The following NTM variants were observed in gnomAD, a reference collection of about 807,000 sequenced individuals.
NTM encodes IgLON family member 2.
In NTM, 13 loss-of-function variants were observed where a neutral mutation model predicts 42.1. The observed-to-expected ratio is 0.31, with a 90% CI of 0.20 to 0.49. The LOEUF (loss-of-function observed/expected upper bound fraction) is 0.49, where lower values mean the gene tolerates loss of function less well. Ranked by LOEUF, NTM falls within the 20% of genes least tolerant of loss-of-function variation. The pLI, the probability that NTM is intolerant of heterozygous loss-of-function variation, is 0.99. For synonymous variants in NTM, 187 were observed against 179.2 expected (o/e 1.04, Z -0.35); for missense variants, 373 against 452.8 (o/e 0.82, Z 1.60).
At chr11:132,192,639 A>T (rs1281369084) in intron 3 of NTM, among the ~76,000 whole-genome samples, 4 of 152,180 alleles carry the variant, frequency 2.6e-5, no homozygotes, top group Non-Finnish European at 4.4e-5. Flanking sequence ...ACAGGATACA[A>T]TCCTCACATA....
At chr11:131,439,551 A>G (rs1038902313) in intron 1 of NTM, among the ~76,000 whole-genome samples, 19 of 152,204 alleles carry the variant, frequency 1.2e-4, no homozygotes, top group Non-Finnish European at 2.4e-4. Context: ...GCTGCCTTGC[A>G]GGTTGATCTC....
chr11:131,484,231 C>A (rs1953917159), intron 1 of NTM, among the ~76,000 whole-genome samples: 1 of 152,074 alleles, frequency 6.6e-6, no homozygotes, highest in Admixed American at 6.5e-5. Flanking sequence ...TGCCAGAAAT[C>A]TTTTACTGAA....
At chr11:131,420,172 A>G (rs1947352917) in intron 1 of NTM, among the ~76,000 whole-genome samples, 1 of 152,186 alleles carries the variant, frequency 6.6e-6, no homozygotes, top group African/African-American at 2.4e-5. Flanking sequence ...AACTTTGCTG[A>G]TGTGGTTAAG....
intron 4 of NTM, among the ~76,000 whole-genome samples, chr11:132,237,819 CA>C (rs2089348419): frequency 6.6e-6 from 1 of 152,188 alleles, no homozygotes; most frequent in African/African-American, 2.4e-5. Flanking sequence ...CAGCCAGTCC[CA>C]GGCCTCGGCT....
intron 4 of NTM, among the ~76,000 whole-genome samples, chr11:132,227,483 A>G (rs1188102654): frequency 6.6e-6 from 1 of 152,034 alleles, no homozygotes; most frequent in Non-Finnish European, 1.5e-5. Flanking sequence ...GGAGAGTGTG[A>G]GTTCAGGATT....
intron 3 of NTM, among the ~76,000 whole-genome samples, chr11:132,171,624 A>C (rs2076132163): frequency 6.6e-6 from 1 of 152,192 alleles, no homozygotes; most frequent in Admixed American, 6.5e-5. Context: ...AGAGACATTA[A>C]CATTCATTCC....
intron 1 of NTM, among the ~76,000 whole-genome samples, chr11:131,687,413 G>A (rs980041059): frequency 2.0e-5 from 3 of 152,310 alleles, no homozygotes; most frequent in African/African-American, 7.2e-5. Flanking sequence ...AGGGCTGTAA[G>A]GTTTGCGACC....
chr11:131,668,677 T>C (rs1452885223), intron 1 of NTM, among the ~76,000 whole-genome samples: 3 of 152,174 alleles, frequency 2.0e-5, no homozygotes, highest in Non-Finnish European at 4.4e-5. Flanking sequence ...AATTTCTCCC[T>C]GTCATTGAAC....
chr11:131,741,002 T>C (rs914966030), intron 1 of NTM, among the ~76,000 whole-genome samples: 1 of 152,076 alleles, frequency 6.6e-6, no homozygotes, highest in Non-Finnish European at 1.5e-5. Flanking sequence ...CCGTCTCTGC[T>C]AAAACTAGAA....
chr11:131,407,062 C>T (rs545796496), intron 1 of NTM, among the ~76,000 whole-genome samples: 8 of 152,152 alleles, frequency 5.3e-5, no homozygotes, highest in Non-Finnish European at 7.3e-5. Context: ...ATATTGAAGA[C>T]GCAAGTCTGT....
At chr11:131,558,298 A>C (rs544380649) in intron 1 of NTM, among the ~76,000 whole-genome samples, 1 of 152,248 alleles carries the variant, frequency 6.6e-6, no homozygotes, top group African/African-American at 2.4e-5. Flanking sequence ...CATACCTGAC[A>C]CACTCATTCT....
chr11:131,520,145 T>A (rs1305651136), intron 1 of NTM, among the ~76,000 whole-genome samples: 1 of 152,204 alleles, frequency 6.6e-6, no homozygotes, highest in African/African-American at 2.4e-5. Flanking sequence ...TAATAAAACA[T>A]CACATTTCTA....
At chr11:132,007,038 G>A (rs1255630609) in intron 2 of NTM, among the ~76,000 whole-genome samples, 1 of 152,204 alleles carries the variant, frequency 6.6e-6, no homozygotes, top group African/African-American at 2.4e-5. Context: ...GACATCCAGT[G>A]ACTTTCAAGA....
At chr11:131,707,920 C>A (rs1421038842) in intron 1 of NTM, among the ~76,000 whole-genome samples, 1 of 151,910 alleles carries the variant, frequency 6.6e-6, no homozygotes, top group East Asian at 1.9e-4. Context: ...TTAGACAGAG[C>A]AATTAGGCAA....
intron 3 of NTM, among the ~76,000 whole-genome samples, chr11:132,211,522 G>A (rs1326219976): frequency 6.6e-6 from 1 of 152,230 alleles, no homozygotes. Flanking sequence ...AGCAGAGGTG[G>A]GATCACTGGG....
rs2054845273 is a variant in NTM, at chr11:131,911,140, G to T, written c.83-424G>T. ...TCCAAAGTGCCGTGTCTGAACTGCCGCTGGGAAGAAGCGGCTCCTGAGACG... is the reference window on the plus strand; with the variant it reads ...TCCAAAGTGCCGTGTCTGAACTGCCTCTGGGAAGAAGCGGCTCCTGAGACG... On this transcript the variant is annotated intron_variant, in intron 1 of 8. Coordinates refer to ENST00000683400, the MANE Select transcript of NTM (RefSeq NM_001352005.2). 14 of 1,264,318 alleles carry T rather than the reference G, an allele frequency of 1.1e-5. No individual in the cohort carries two copies. The South Asian group carries it at 2.1e-4, about 19-fold the overall frequency. The allele number at this position is 1,264,318 out of a possible 1,614,324, so 78.3% of individuals were successfully genotyped here. A position where few individuals can be genotyped will look rare whatever the true frequency, so the allele number is the denominator to read the frequency against.
At chr11:131,802,868 T>G (rs554689363) in intron 1 of NTM, among the ~76,000 whole-genome samples, 2 of 152,226 alleles carry the variant, frequency 1.3e-5, no homozygotes, top group Non-Finnish European at 2.9e-5. Flanking sequence ...TCCATTATGC[T>G]GTGCAACAGC....
chr11:132,144,804 C>T (rs2069997873), intron 2 of NTM, among the ~76,000 whole-genome samples: 1 of 152,168 alleles, frequency 6.6e-6, no homozygotes, highest in South Asian at 2.1e-4. Context: ...CCAGAAAATG[C>T]AATGAGCTGC....
At chr11:131,969,084 T>A (rs2063208208) in intron 2 of NTM, among the ~76,000 whole-genome samples, 1 of 152,204 alleles carries the variant, frequency 6.6e-6, no homozygotes. Flanking sequence ...GAGGGCTAAT[T>A]CTATTTTTCA....
Sources: allele counts gnomAD v4.1 joint callset (sites outside exome capture counted in the v4.1 genomes callset), GRCh38; gene constraint gnomAD v4.1.1; transcripts MANE v1.5; gene names NCBI Gene and HGNC (gene_info 2026-07-23, HGNC 2026-07-21).